Variants in ZNF804B observed in about 807,000 individuals in gnomAD.
ZNF804B encodes zinc finger 804B.
A neutral mutation model predicts 101.4 loss-of-function variants in ZNF804B; 80 were observed. The observed-to-expected ratio is 0.79, with a 90% CI of 0.66 to 0.95. The LOEUF is 0.95. Among genes scored for constraint, ZNF804B ranks in the 40% least tolerant of loss-of-function variants. The probability of loss-of-function intolerance (pLI) is 0.00; values close to 1 mark genes in which losing one functional copy is unlikely to be tolerated. For synonymous variants in ZNF804B, 622 were observed against 558.8 expected (o/e 1.11, Z -1.59); for missense variants, 1,673 against 1,561.9 (o/e 1.07, Z -1.20).
chr7:88,843,845 A>G (rs1791326305), intron 1 of ZNF804B, among the ~76,000 whole-genome samples: 1 of 152,210 alleles, frequency 6.6e-6, no homozygotes, highest in Non-Finnish European at 1.5e-5. Context: ...AGCTAATTTA[A>G]AAACATTTTA....
At position 89,334,019 on chromosome 7, in the gene ZNF804B, G is replaced by T; in HGVS notation, c.1037G>T (p.Arg346Ile). The T allele has an allele frequency of 5.0e-6, 8 of 1,613,336 alleles. No individual in the cohort carries two copies. Among genetic ancestry groups the T allele is most frequent in the Non-Finnish European group, 5.1e-6 (6 of 1,179,694 alleles). ...CCTACCAGCAGAGAAAAAGAAACTAGAAATACATTGAAGAACACTTTAGAA... is the reference window on the plus strand; with the variant it reads ...CCTACCAGCAGAGAAAAAGAAACTATAAATACATTGAAGAACACTTTAGAA... ...FTPTSREKET[R>I]NTLKNTLENC... The change falls in exon 4 of 4, where the codon AGA becomes ATA. Residue 346 changes from arginine (R) to isoleucine (I), a missense_variant. Transcript: ENST00000333190.
At position 89,174,528 on chromosome 7, in the gene ZNF804B, G is replaced by T. The variant is rs149408269; in HGVS notation, c.109-43627G>T. ...GACACACAAGTTAATTCCAAATTTT[G>T]CTTACTGTGAATAGTGCTGCAATAA... is the stretch of plus-strand genomic sequence containing the variant. On this transcript the variant is annotated intron_variant, in intron 1 of 3. Transcript: ENST00000333190. Among the ~76,000 whole-genome samples, 491 of 151,880 alleles carry T rather than the reference G, an allele frequency of 3.2e-3. 2 individuals carry two copies. Among genetic ancestry groups the T allele is most frequent in the African/African-American group, 0.011 (466 of 41,470 alleles).
intron 1 of ZNF804B, among the ~76,000 whole-genome samples, chr7:88,766,061 G>A (rs1789978682): frequency 1.3e-5 from 2 of 152,198 alleles, no homozygotes; most frequent in Admixed American, 1.3e-4. Context: ...CACTTTGGGA[G>A]GCTGAGGTGT....
At chr7:89,237,628 T>TG (rs1276738100) in intron 2 of ZNF804B, among the ~76,000 whole-genome samples, 3 of 152,110 alleles carry the variant, frequency 2.0e-5, no homozygotes, top group Non-Finnish European at 4.4e-5. Context: ...GAAGCTGTAG[T>TG]GGGGTAGTCA....
At chr7:89,081,059 TA>T (rs150953265) in intron 1 of ZNF804B, among the ~76,000 whole-genome samples, 3,657 of 151,958 alleles carry the variant, frequency 0.024, 154 homozygotes, top group African/African-American at 0.084. Context: ...CTTTCAGAGA[TA>T]AAGAAGAGTT....
intron 1 of ZNF804B, among the ~76,000 whole-genome samples, chr7:88,921,712 T>A (rs188814500): frequency 6.6e-6 from 1 of 152,058 alleles, no homozygotes; most frequent in Non-Finnish European, 1.5e-5. Context: ...TCATTCTCAT[T>A]AGTGTCCCCA....
chr7:89,138,509 T>A (rs950224272), intron 1 of ZNF804B, among the ~76,000 whole-genome samples: 4 of 152,126 alleles, frequency 2.6e-5, no homozygotes, highest in African/African-American at 9.7e-5. Context: ...TGAAATGAGT[T>A]AAGACTTCGG....
intron 1 of ZNF804B, among the ~76,000 whole-genome samples, chr7:88,884,648 T>G (rs1792095791): frequency 6.6e-6 from 1 of 151,906 alleles, no homozygotes; most frequent in South Asian, 2.1e-4. Flanking sequence ...TATTGCCTAT[T>G]ATATGACAGA....
rs373588813 is a variant in ZNF804B, at chr7:89,335,600, A to T, written c.2618A>T (p.Glu873Val). 6.2e-7 allele frequency: 1 copy of T among 1,613,980 alleles called. No individual in the cohort carries two copies. Among genetic ancestry groups the T allele is most frequent in the Non-Finnish European group, 8.5e-7 (1 of 1,179,954 alleles). The part of the protein sequence containing the change: ...YYLNKSKRNQ[E>V]SLGSPHICDL... Reference sequence around the variant, plus strand: ...TTGAATAAAAGCAAGAGAAATCAAGAGTCTTTGGGCAGCCCTCACATTTGT... The same window carrying T: ...TTGAATAAAAGCAAGAGAAATCAAGTGTCTTTGGGCAGCCCTCACATTTGT... The change falls in exon 4 of 4, where the codon GAG becomes GTG. Residue 873 changes from glutamate to valine, a missense_variant. Glu to Val is a moderately radical substitution (Grantham distance 121). Coordinates refer to ENST00000333190, the MANE Select transcript of ZNF804B (RefSeq NM_181646.5).
At chr7:89,227,855 G>T (rs558968515) in intron 2 of ZNF804B, among the ~76,000 whole-genome samples, 1 of 152,170 alleles carries the variant, frequency 6.6e-6, no homozygotes, top group Non-Finnish European at 1.5e-5. Flanking sequence ...GGCATTCCAT[G>T]AGATCTCTCA....
chr7:88,877,047 ATATTTTT>A (rs1791962107), intron 1 of ZNF804B, among the ~76,000 whole-genome samples: 4 of 28,772 alleles, frequency 1.4e-4, no homozygotes, highest in African/African-American at 2.1e-4. Flanking sequence ...ATATATATAT[ATATTTTT>A]TTTTTTTTTT....
intron 1 of ZNF804B, among the ~76,000 whole-genome samples, chr7:88,781,098 T>C (rs1377634859): frequency 6.6e-6 from 1 of 152,214 alleles, no homozygotes; most frequent in East Asian, 1.9e-4. Flanking sequence ...TATTTTAATC[T>C]TAGAATTTGA....
intron 1 of ZNF804B, among the ~76,000 whole-genome samples, chr7:88,883,285 A>C (rs1475905810): frequency 6.6e-6 from 1 of 152,154 alleles, no homozygotes; most frequent in Non-Finnish European, 1.5e-5. Flanking sequence ...CATGCATCAC[A>C]TTTTGACAAA....
chr7:88,903,889 C>T (rs1792428828), intron 1 of ZNF804B, among the ~76,000 whole-genome samples: 2 of 152,050 alleles, frequency 1.3e-5, no homozygotes, highest in African/African-American at 2.4e-5. Context: ...TTCTGCCATT[C>T]TGTAGGTTTT....
chr7:89,335,987 A>T lies in ZNF804B; in HGVS notation c.3005A>T (p.Glu1002Val). ...DQDSAIPRTTEKDKSKSSHTN... is the reference protein window; with the variant it reads ...DQDSAIPRTTVKDKSKSSHTN... ...GACAGTGCAATTCCAAGGACTACGG[A>T]GAAAGACAAAAGCAAAAGTTCACAC... Residue 1002 changes from glutamate to valine, a missense_variant, in exon 4 of 4, where the codon GAG (glutamate) becomes GTG (valine). Physicochemically the swap from Glu to Val is moderately radical, Grantham distance 121. Transcript: ENST00000333190. 1 of 1,614,052 alleles carries T rather than the reference A, an allele frequency of 6.2e-7. No homozygotes were observed. The highest frequency in any genetic ancestry group is 8.5e-7 in the Non-Finnish European group (1 of 1,179,990).
intron 1 of ZNF804B, among the ~76,000 whole-genome samples, chr7:88,829,528 C>T (rs933241167): frequency 2.0e-5 from 3 of 151,972 alleles, no homozygotes; most frequent in Admixed American, 6.6e-5. Context: ...CAGAATTTGA[C>T]ATTAAACTTT....
At chr7:89,243,761 T>C (rs565828459) in intron 2 of ZNF804B, among the ~76,000 whole-genome samples, 1 of 152,036 alleles carries the variant, frequency 6.6e-6, no homozygotes, top group South Asian at 2.1e-4. Context: ...TGTTTTGTTT[T>C]TTTTTATTAA....
chr7:89,023,567 C>T (rs562377893), intron 1 of ZNF804B, among the ~76,000 whole-genome samples: 4 of 152,112 alleles, frequency 2.6e-5, no homozygotes, highest in Admixed American at 1.3e-4. Context: ...GAGCATTTTA[C>T]TAGAGTTTAT....
intron 1 of ZNF804B, among the ~76,000 whole-genome samples, chr7:89,038,950 T>G (rs1244795155): frequency 6.6e-6 from 1 of 152,086 alleles, no homozygotes; most frequent in Non-Finnish European, 1.5e-5. Context: ...GCATTTTTAC[T>G]GATGAACAAT....
Sources: gnomAD v4.1 joint callset for allele counts (sites outside exome capture counted in the v4.1 genomes callset) on GRCh38, gnomAD v4.1.1 for gene constraint, MANE v1.5 for transcripts, NCBI Gene and HGNC (gene_info 2026-07-23, HGNC 2026-07-21) for gene names.